GRIK2: variants seen among roughly 807,000 people sequenced by gnomAD.
GRIK2 encodes glutamate receptor ionotropic, kainate 2.
Under a neutral mutation model 100.3 loss-of-function variants are expected in GRIK2, and 32 were observed. The observed-to-expected ratio is 0.32, with a 90% CI of 0.24 to 0.43. GRIK2 has a LOEUF of 0.43. GRIK2 is among the 20% of genes least tolerant of loss of function. GRIK2 has a pLI of 1.00. For missense variants in GRIK2, 843 were observed against 1,114.9 expected, an observed-to-expected ratio of 0.76 and a Z score of 3.47; for synonymous variants, 417 against 389.4, an observed-to-expected ratio of 1.07 and a Z score of -0.83.
chr6:101,711,038 A>G (rs967097438), intron 7 of GRIK2, among the ~76,000 whole-genome samples: 7 of 151,758 alleles, frequency 4.6e-5, no homozygotes, highest in Non-Finnish European at 8.8e-5. Context: ...TAAAATAGCC[A>G]CTTCTCCCTT....
At chr6:101,956,799 A>G (rs1280038128) in intron 14 of GRIK2, among the ~76,000 whole-genome samples, 1 of 148,058 alleles carries the variant, frequency 6.8e-6, no homozygotes, top group African/African-American at 2.4e-5. Flanking sequence ...TTTCTTATAT[A>G]TATCAATAAA....
At chr6:101,952,751 C>T (rs888203293) in intron 14 of GRIK2, among the ~76,000 whole-genome samples, 2 of 151,990 alleles carry the variant, frequency 1.3e-5, no homozygotes, top group South Asian at 2.1e-4. Flanking sequence ...CACAGGTGCC[C>T]GCCACCACAC....
At chr6:101,447,834 G>C (rs944421840) in intron 2 of GRIK2, among the ~76,000 whole-genome samples, 1 of 151,588 alleles carries the variant, frequency 6.6e-6, no homozygotes, top group Non-Finnish European at 1.5e-5. Flanking sequence ...GTGAATAGCT[G>C]TACTTAAGAT....
chr6:101,675,562 A>G (rs971147369), intron 4 of GRIK2, among the ~76,000 whole-genome samples: 1 of 152,026 alleles, frequency 6.6e-6, no homozygotes, highest in East Asian at 1.9e-4. Flanking sequence ...TTCTTTTCAC[A>G]CTCTTTTATA....
chr6:101,920,486 T>A (rs1172451442), intron 12 of GRIK2, among the ~76,000 whole-genome samples: 1 of 151,926 alleles, frequency 6.6e-6, no homozygotes, highest in Non-Finnish European at 1.5e-5. Context: ...AGATGAGAAG[T>A]ACAGTTTTAG....
At chr6:101,531,423 AAAAG>A (rs1447031929) in intron 2 of GRIK2, among the ~76,000 whole-genome samples, 1 of 152,002 alleles carries the variant, frequency 6.6e-6, no homozygotes, top group African/African-American at 2.4e-5. Flanking sequence ...GAATAAATGA[AAAAG>A]AAAAGTGACA....
chr6:101,530,930 G>C (rs1406857858), intron 2 of GRIK2, among the ~76,000 whole-genome samples: 1 of 151,920 alleles, frequency 6.6e-6, no homozygotes, highest in African/African-American at 2.4e-5. Context: ...AATACTGGTA[G>C]CATTAGCTTA....
intron 10 of GRIK2, among the ~76,000 whole-genome samples, chr6:101,855,225 C>T (rs574904832): frequency 1.5e-3 from 228 of 152,186 alleles, no homozygotes; most frequent in Admixed American, 3.6e-3. Context: ...CAACGGCTTG[C>T]CAGTCATTTT....
chr6:101,724,160 C>G (rs1774692271), intron 7 of GRIK2, among the ~76,000 whole-genome samples: 1 of 148,796 alleles, frequency 6.7e-6, no homozygotes, highest in South Asian at 2.1e-4. Flanking sequence ...TATGTCCACC[C>G]TTGCCTTAGG....
intron 2 of GRIK2, among the ~76,000 whole-genome samples, chr6:101,406,440 G>C (rs1167553907): frequency 6.6e-6 from 1 of 152,202 alleles, no homozygotes; most frequent in South Asian, 2.1e-4. Context: ...GGTTTGGGGA[G>C]GGTATGTCTT....
chr6:102,041,409 G>A (rs1770565608), intron 15 of GRIK2, among the ~76,000 whole-genome samples: 1 of 151,528 alleles, frequency 6.6e-6, no homozygotes, highest in Non-Finnish European at 1.5e-5. Context: ...GTTGTCCTTG[G>A]GTTAGCAGAG....
At chr6:101,885,116 C>A (rs144723405) in intron 11 of GRIK2, among the ~76,000 whole-genome samples, 192 of 152,180 alleles carry the variant, frequency 1.3e-3, no homozygotes, top group African/African-American at 3.7e-3. Context: ...TATGTGCATT[C>A]AAATTTCTCA....
At chr6:102,002,419 T>C (rs1582700412) in intron 14 of GRIK2, among the ~76,000 whole-genome samples, 2 of 130,590 alleles carry the variant, frequency 1.5e-5, no homozygotes, top group South Asian at 4.4e-4. Context: ...TATTAGCATA[T>C]ACATACACAG....
At chr6:102,039,067 C>G (rs1186521339) in intron 15 of GRIK2, among the ~76,000 whole-genome samples, 2 of 151,246 alleles carry the variant, frequency 1.3e-5, no homozygotes, top group East Asian at 3.9e-4. Flanking sequence ...CCCCCAAATT[C>G]ATATATTATC....
At chr6:102,047,192 T>A (rs1770937689) in intron 15 of GRIK2, among the ~76,000 whole-genome samples, 1 of 151,380 alleles carries the variant, frequency 6.6e-6, no homozygotes, top group South Asian at 2.1e-4. Context: ...TTAGCAGAAG[T>A]AAATAATAAA....
At chr6:102,067,832 G>T (rs1379239638) in intron 16 of GRIK2, among the ~76,000 whole-genome samples, 1 of 151,848 alleles carries the variant, frequency 6.6e-6, no homozygotes, top group Admixed American at 6.6e-5. Context: ...TGAAATGCCA[G>T]AAATTGTTTT....
chr6:102,000,534 G>C (rs1015735470), intron 14 of GRIK2, among the ~76,000 whole-genome samples: 1 of 151,850 alleles, frequency 6.6e-6, no homozygotes, highest in Non-Finnish European at 1.5e-5. Context: ...TTGGTTTTCT[G>C]TTTTTAATGA....
intron 12 of GRIK2, 38 bp downstream of exon 12, chr6:101,889,901 T>C: frequency 8.9e-7 from 1 of 1,124,714 alleles, no homozygotes. Flanking sequence ...TGGCAATTGT[T>C]ACCTCCTTTA....
rs542839109 is a variant in GRIK2, at chr6:101,508,896, C to A, written c.115+109504C>A. ...GTAGGCTGGGCGTGGTGGCTCACGC[C>A]TGTAATCTCAGCACTTCGGGAGGCC... On this transcript the variant is annotated intron_variant, in intron 2 of 16. Transcript: ENST00000369134. Among the ~76,000 whole-genome samples the A allele has an allele frequency of 2.0e-5, 3 of 152,214 alleles. No individual in the cohort carries two copies. The East Asian group carries it at 5.8e-4, about 29-fold the overall frequency.
Sources: allele counts gnomAD v4.1 joint callset (sites outside exome capture counted in the v4.1 genomes callset), GRCh38; gene constraint gnomAD v4.1.1; transcripts MANE v1.5; gene names NCBI Gene and HGNC (gene_info 2026-07-23, HGNC 2026-07-21).